The following TLL2 variants were observed in gnomAD, a reference collection of about 807,000 sequenced individuals.
TLL2 encodes the protein tolloid like 2.
In TLL2, 106 loss-of-function variants were observed where a neutral mutation model predicts 123.0. The observed-to-expected ratio is 0.86, with a 90% confidence interval of 0.74 to 1.01. The LOEUF (loss-of-function observed/expected upper bound fraction) is 1.01. TLL2 is among the 50% of genes least tolerant of loss of function. TLL2 has a pLI of 0.00. For synonymous variants in TLL2, 494 were observed against 516.8 expected, an observed-to-expected ratio of 0.96 and a Z score of 0.60; for missense variants, 1,332 against 1,336.7, an observed-to-expected ratio of 1.00 and a Z score of 0.06.
chr10:96,372,939 C>T (rs1846097923), intron 19 of TLL2, among the ~76,000 whole-genome samples: 1 of 152,196 alleles, frequency 6.6e-6, no homozygotes, highest in South Asian at 2.1e-4. Flanking sequence ...ATCCTCCCCA[C>T]TCAGCCTCCC....
intron 19 of TLL2, among the ~76,000 whole-genome samples, 167 bp from the exon 20 acceptor site, chr10:96,370,482 A>C (rs1303720418): frequency 6.6e-6 from 1 of 152,216 alleles, no homozygotes; most frequent in East Asian, 1.9e-4. Context: ...CCTGGCTCCC[A>C]GGTCAGGGCT....
chr10:96,376,956 G>A, intron 17 of TLL2, 137 bp from the exon 18 acceptor site: 1 of 777,948 alleles, frequency 1.3e-6, no homozygotes, highest in Non-Finnish European at 1.9e-6. Flanking sequence ...GGGGTATCCT[G>A]AATCAGGTAT....
At chr10:96,412,017 C>G (rs1002304637) in intron 8 of TLL2, among the ~76,000 whole-genome samples, 6 of 152,138 alleles carry the variant, frequency 3.9e-5, no homozygotes, top group African/African-American at 1.4e-4. Flanking sequence ...CAGTATTTTG[C>G]TTTGAATCCT....
chr10:96,464,303 G>A (rs12571784), intron 2 of TLL2, among the ~76,000 whole-genome samples: 3 of 151,720 alleles, frequency 2.0e-5, no homozygotes, highest in African/African-American at 7.3e-5. Context: ...AGAATCACGT[G>A]ATCCCAGGAG....
chr10:96,484,429 A>T (rs1157775904), intron 1 of TLL2, among the ~76,000 whole-genome samples: 6 of 152,172 alleles, frequency 3.9e-5, no homozygotes. Flanking sequence ...AATGATTGAC[A>T]CATACAGCCT....
intron 15 of TLL2, among the ~76,000 whole-genome samples, chr10:96,385,427 G>T (rs1442138190): frequency 6.6e-6 from 1 of 152,110 alleles, no homozygotes; most frequent in African/African-American, 2.4e-5. Flanking sequence ...CATGCATTGG[G>T]GTCATCAGCA....
chr10:96,451,650 T>C (rs1846960724), intron 2 of TLL2, among the ~76,000 whole-genome samples: 1 of 152,244 alleles, frequency 6.6e-6, no homozygotes, highest in South Asian at 2.1e-4. Context: ...TAACTTTAAA[T>C]GCCAATTGTT....
intron 1 of TLL2, among the ~76,000 whole-genome samples, chr10:96,481,644 C>T (rs1213365784): frequency 2.6e-5 from 4 of 152,148 alleles, no homozygotes; most frequent in Non-Finnish European, 5.9e-5. Flanking sequence ...TGCCTTCACT[C>T]GGAAGGCAGA....
chr10:96,503,225 C>T lies in TLL2; in HGVS notation c.175+10286G>A, dbSNP rs577995090. Among the ~76,000 whole-genome samples, 64 of 152,198 alleles carry T rather than the reference C, an allele frequency of 4.2e-4. 1 individual carries two copies. In the South Asian group the frequency reaches 0.01, roughly 24 times the overall value. ...CCTGAGAGGGAGAGATTAGCATTCA[C>T]AGGCCAGTGAGGTTGTTACTTATAA... On this transcript the variant is annotated intron_variant, in intron 1 of 20. Transcript: ENST00000357947.
chr10:96,509,763 C>T (rs190006757), intron 1 of TLL2, among the ~76,000 whole-genome samples: 42 of 152,286 alleles, frequency 2.8e-4, no homozygotes, highest in Middle Eastern at 3.4e-3. Context: ...CAGGATAACA[C>T]GGTGAAACCC....
At chr10:96,479,252 C>A (rs956310225) in intron 2 of TLL2, among the ~76,000 whole-genome samples, 1 of 152,200 alleles carries the variant, frequency 6.6e-6, no homozygotes, top group Non-Finnish European at 1.5e-5. Flanking sequence ...AATTGCCCCA[C>A]CTTCCTCCCA....
intron 7 of TLL2, among the ~76,000 whole-genome samples, chr10:96,420,634 C>T (rs1211746150): frequency 6.6e-6 from 1 of 152,280 alleles, no homozygotes; most frequent in East Asian, 1.9e-4. Context: ...ACAAAAGACT[C>T]CCCCCACCCA....
intron 1 of TLL2, among the ~76,000 whole-genome samples, chr10:96,481,126 GT>G (rs946665471): frequency 9.2e-4 from 123 of 133,860 alleles, no homozygotes; most frequent in African/African-American, 3.3e-3. Context: ...TGAAAACACT[GT>G]TTTTTTTGTT....
rs749460307 is a variant in TLL2 at position 96,432,936 on chromosome 10, G to A, written c.391C>T (p.His131Tyr). ...GCGGCATGCAAGGTCCCAGGGCTGT[G>A]CAGGAGTGTGGTATTCTCCCGGCCA... ...KDGRENTTLL[H>Y]SPGTLHAAAK... The change falls in exon 4 of 21, where the codon CAC becomes TAC. Residue 131 changes from histidine (H) to tyrosine (Y), a missense_variant. Transcript: ENST00000357947. The A allele has an allele frequency of 3.7e-6, 6 of 1,613,954 alleles. No homozygotes were observed. The African/African-American group carries it at 4.0e-5, about 11-fold the overall frequency.
intron 2 of TLL2, among the ~76,000 whole-genome samples, chr10:96,448,815 C>T (rs1846926275): frequency 6.6e-6 from 1 of 151,904 alleles, no homozygotes; most frequent in Admixed American, 6.6e-5. Context: ...GAGGAAGAGA[C>T]AAGGAGATGA....
In TLL2 at chr10:96,480,803, T is replaced by C. The variant is rs148567643; in HGVS notation, c.176-344A>G. Among the ~76,000 whole-genome samples the C allele has an allele frequency of 1.1e-4, 17 of 152,346 alleles. 1 individual carries two copies. The East Asian group carries it at 3.1e-3, about 28-fold the overall frequency. On this transcript the variant is annotated intron_variant, in intron 1 of 20. Coordinates refer to ENST00000357947, the MANE Select transcript of TLL2 (RefSeq NM_012465.4). Reference sequence around the variant, plus strand: ...TTTCTTCTTTATGGTCCCCAAGATGTAGAAGAAAACGAATAATGTGATAAA... The same window carrying C: ...TTTCTTCTTTATGGTCCCCAAGATGCAGAAGAAAACGAATAATGTGATAAA...
At chr10:96,387,112 G>A (rs1277697163) in intron 13 of TLL2, 34 bp from the exon 14 acceptor site, 1 of 1,603,282 alleles carries the variant, frequency 6.2e-7, no homozygotes, top group South Asian at 1.1e-5. Flanking sequence ...CGGTTACATT[G>A]TCAGGAAGCC....
chr10:96,406,343 C>T lies in TLL2; in HGVS notation c.1165-1009G>A, dbSNP rs568924098. Among the ~76,000 whole-genome samples, 7 of 152,198 alleles carry T rather than the reference C, an allele frequency of 4.6e-5. No homozygotes were observed. The South Asian group carries it at 1.5e-3, about 32-fold the overall frequency. On this transcript the variant is annotated intron_variant, in intron 9 of 20. Coordinates refer to ENST00000357947, the MANE Select transcript of TLL2 (RefSeq NM_012465.4). ...CCTGAGGTGCAGTGGCTTGTCTGGC[C>T]CAGGCTCACCTTTCCTCATGCCCCA...
At chr10:96,419,628 G>C (rs1414030444) in intron 7 of TLL2, among the ~76,000 whole-genome samples, 2 of 152,188 alleles carry the variant, frequency 1.3e-5, no homozygotes, top group Non-Finnish European at 2.9e-5. Context: ...CTCATGTCTA[G>C]GTGCAGGATA....
Sources: allele counts gnomAD v4.1 joint callset (sites outside exome capture counted in the v4.1 genomes callset), GRCh38; gene constraint gnomAD v4.1.1; transcripts MANE v1.5; gene names NCBI Gene and HGNC (gene_info 2026-07-23, HGNC 2026-07-21).